ZNF676: variants seen among roughly 807,000 people sequenced by gnomAD.
ZNF676 encodes zinc finger protein 676.
A neutral mutation model predicts 6.0 loss-of-function variants in ZNF676; 4 were observed. The observed-to-expected ratio is 0.67, with a 90% CI of 0.33 to 1.53. The LOEUF (loss-of-function observed/expected upper bound fraction) is 1.53, where lower values mean the gene tolerates loss of function less well. Ranked by LOEUF, ZNF676 falls within the 40% of genes most tolerant of loss-of-function variation. The pLI, the probability that ZNF676 is intolerant of heterozygous loss-of-function variation, is 0.06. For synonymous variants in ZNF676, 198 were observed against 223.1 expected (o/e 0.89, Z 1.00); for missense variants, 644 against 679.7 (o/e 0.95, Z 0.58).
the ZNF676 span, among the ~76,000 whole-genome samples, chr19:22,233,448 T>C: frequency 4.6e-5 from 7 of 152,106 alleles, no homozygotes; most frequent in Non-Finnish European, 7.4e-5. Context: ...TCACAATCTT[T>C]ATCACGTAGC....
chr19:22,209,849 T>C (rs935501283), intron 1 of ZNF676, among the ~76,000 whole-genome samples: 2 of 152,080 alleles, frequency 1.3e-5, no homozygotes, highest in African/African-American at 4.8e-5. Flanking sequence ...AATAGGGATA[T>C]GCCAGGAGAC....
Position 22,181,441 on chromosome 19 carries a change from G to T in ZNF676, c.276C>A (p.Asn92Lys). ...GTTTATTATAACCTTCTTTGTGCACGTTACACTCATCCACATTGGTACAAC... is the reference window on the plus strand; with the variant it reads ...GTTTATTATAACCTTCTTTGTGCACTTTACACTCATCCACATTGGTACAAC... Reference protein sequence around the residue: ...KISCTNVDECNVHKEGYNKLN... With the variant: ...KISCTNVDECKVHKEGYNKLN... Residue 92 changes from asparagine (N) to lysine (K), a missense_variant, in exon 3 of 3, where the codon AAC becomes AAA. Coordinates refer to ENST00000397121, the MANE Select transcript of ZNF676 (RefSeq NM_001001411.3). 2 of 1,613,592 alleles carry T rather than the reference G, an allele frequency of 1.2e-6. No homozygotes were observed. The highest frequency in any genetic ancestry group is 2.2e-5 in the South Asian group (2 of 91,054).
the ZNF676 span, among the ~76,000 whole-genome samples, chr19:22,231,749 C>G: frequency 5.8e-3 from 877 of 150,576 alleles, no homozygotes; most frequent in African/African-American, 0.02. Context: ...ACTACAGGCG[C>G]GTGCCACCAT....
chr19:22,254,485 C>T, the ZNF676 span, among the ~76,000 whole-genome samples: 35 of 152,218 alleles, frequency 2.3e-4, no homozygotes, highest in East Asian at 6.6e-3. Flanking sequence ...TGTAACAATA[C>T]CCAAGATATG....
chr19:22,215,737 GCCTTTACCTC>G, exon 1 of ZNF676: 1 of 1,438,162 alleles, frequency 7.0e-7, no homozygotes, highest in South Asian at 1.2e-5. Context: ...TAAGGACAAG[GCCTTTACCTC>G]CGGCTGCAGC....
At chr19:22,210,646 T>C (rs2024119251) in intron 1 of ZNF676, among the ~76,000 whole-genome samples, 2 of 152,196 alleles carry the variant, frequency 1.3e-5, no homozygotes. Flanking sequence ...AGAAACACCC[T>C]TCCCATTGTG....
chr19:22,182,475 CAA>C (rs897115846), intron 2 of ZNF676, among the ~76,000 whole-genome samples: 1 of 143,796 alleles, frequency 7.0e-6, no homozygotes, highest in African/African-American at 2.6e-5. Flanking sequence ...AGCAGGAACA[CAA>C]AAGACTATAG....
At chr19:22,190,027 A>C (rs2023882459) in intron 2 of ZNF676, among the ~76,000 whole-genome samples, 1 of 152,152 alleles carries the variant, frequency 6.6e-6, no homozygotes, top group Non-Finnish European at 1.5e-5. Flanking sequence ...CTGGGTATAT[A>C]ATCAAAAGTT....
chr19:22,222,043 A>G, the ZNF676 span, among the ~76,000 whole-genome samples: 1 of 152,318 alleles, frequency 6.6e-6, no homozygotes, highest in African/African-American at 2.4e-5. Context: ...CTTAAGGGAC[A>G]ACTTAGGTGA....
the ZNF676 span, among the ~76,000 whole-genome samples, chr19:22,257,852 G>T: frequency 6.6e-6 from 1 of 152,098 alleles, no homozygotes; most frequent in Non-Finnish European, 1.5e-5. Flanking sequence ...CCTCAGGTGC[G>T]TAGGGCTTAG....
At chr19:22,250,762 G>C in the ZNF676 span, among the ~76,000 whole-genome samples, 1 of 151,458 alleles carries the variant, frequency 6.6e-6, no homozygotes, top group Non-Finnish European at 1.5e-5. Context: ...CCCAGCCTGG[G>C]GTACAATGGT....
chr19:22,205,196 C>A (rs948055574), intron 1 of ZNF676, among the ~76,000 whole-genome samples: 5 of 152,114 alleles, frequency 3.3e-5, no homozygotes, highest in African/African-American at 9.7e-5. Context: ...GACTTAGAAT[C>A]TGACAGTAAT....
chr19:22,235,125 AAGGAAGG>A, the ZNF676 span, among the ~76,000 whole-genome samples: 2 of 75,608 alleles, frequency 2.6e-5, no homozygotes, highest in African/African-American at 7.3e-5. Context: ...GGAAGGCAGG[AAGGAAGG>A]AAGGAAGGAA....
the ZNF676 span, among the ~76,000 whole-genome samples, chr19:22,233,717 T>C: frequency 1.3e-5 from 2 of 152,236 alleles, no homozygotes; most frequent in African/African-American, 2.4e-5. Flanking sequence ...ACCATTTCAT[T>C]CAGCACTTTG....
the ZNF676 span, among the ~76,000 whole-genome samples, chr19:22,223,738 G>T: frequency 6.6e-6 from 1 of 151,850 alleles, no homozygotes; most frequent in Non-Finnish European, 1.5e-5. Context: ...GGAATTATAT[G>T]ATTTCCATTC....
chr19:22,220,461 G>GTTT (rs58810797), upstream of ZNF676, among the ~76,000 whole-genome samples: 9 of 115,408 alleles, frequency 7.8e-5, no homozygotes, highest in Non-Finnish European at 1.3e-4. Flanking sequence ...TTTGTTGGCA[G>GTTT]TTTTTTTTTT....
At chr19:22,184,179 G>A (rs1161175649) in intron 2 of ZNF676, among the ~76,000 whole-genome samples, 2 of 152,154 alleles carry the variant, frequency 1.3e-5, no homozygotes, top group Non-Finnish European at 2.9e-5. Context: ...AACGGGACTG[G>A]TTGAACAGTG....
At chr19:22,227,515 C>A in the ZNF676 span, among the ~76,000 whole-genome samples, 1 of 152,008 alleles carries the variant, frequency 6.6e-6, no homozygotes, top group Non-Finnish European at 1.5e-5. Flanking sequence ...AAGATTAGAG[C>A]AGAACTGAAG....
At chr19:22,245,211 T>G in the ZNF676 span, 1 of 152,182 alleles carries the variant, frequency 6.6e-6, no homozygotes, top group Non-Finnish European at 1.5e-5. Flanking sequence ...CTATTTTCCC[T>G]GTGAATAGGG....
Sources: allele counts gnomAD v4.1 joint callset (sites outside exome capture counted in the v4.1 genomes callset), GRCh38; gene constraint gnomAD v4.1.1; transcripts MANE v1.5; gene names NCBI Gene and HGNC (gene_info 2026-07-23, HGNC 2026-07-21).